ANK3: variants seen among roughly 807,000 people sequenced by gnomAD.
ANK3 encodes the protein ankyrin-3.
In ANK3, 57 loss-of-function variants were observed where a neutral mutation model predicts 370.9. That is an observed-to-expected ratio of 0.15 (90% CI 0.12 to 0.19). The LOEUF (loss-of-function observed/expected upper bound fraction) is 0.19, where lower values mean the gene tolerates loss of function less well. Ranked by LOEUF, ANK3 falls within the 10% of genes least tolerant of loss-of-function variation. ANK3 has a pLI of 1.00. For missense variants in ANK3, 4,439 were observed against 5,302.1 expected, an observed-to-expected ratio of 0.84 and a Z score of 5.06; for synonymous variants, 1,929 against 1,946.3, an observed-to-expected ratio of 0.99 and a Z score of 0.23.
At chr10:60,532,216 T>C (rs1463103499) in intron 2 of ANK3, among the ~76,000 whole-genome samples, 4 of 152,164 alleles carry the variant, frequency 2.6e-5, no homozygotes, top group Admixed American at 6.5e-5. Context: ...AGTTGCATAC[T>C]TACTTCTCAC....
At chr10:60,308,537 AAT>A (rs1566461546) in intron 1 of ANK3, among the ~76,000 whole-genome samples, 7 of 151,924 alleles carry the variant, frequency 4.6e-5, no homozygotes, top group African/African-American at 1.7e-4. Flanking sequence ...CGGCCTCCCA[AAT>A]TGCTGGGATT....
rs144159642 is a variant in ANK3 at position 60,439,416 on chromosome 10, G to A, written c.97-159777C>T. ...CTCATGCCCGTAATCCCAGTACTTT[G>A]GGAGGCCAACGTAGGAGGATCGCTT... On this transcript the variant is annotated intron_variant, in intron 2 of 43. Coordinates refer to the ANK3 transcript ENST00000373827. Among the ~76,000 whole-genome samples, 1,135 of 152,204 alleles carry A rather than the reference G, an allele frequency of 7.5e-3. 46 individuals are homozygous for A. The highest frequency in any genetic ancestry group is 0.065 in the Admixed American group (1,001 of 15,288).
intron 1 of ANK3, among the ~76,000 whole-genome samples, chr10:60,324,667 T>C (rs1416538414): frequency 6.6e-6 from 1 of 152,174 alleles, no homozygotes; most frequent in East Asian, 1.9e-4. Flanking sequence ...TAATTTTTTT[T>C]CTTTTTTTGG....
At chr10:60,087,358 C>A (rs2086983132) in intron 29 of ANK3, among the ~76,000 whole-genome samples, 1 of 152,204 alleles carries the variant, frequency 6.6e-6, no homozygotes. Flanking sequence ...AGCCTCTCTT[C>A]TACCACTTGG....
intron 23 of ANK3, among the ~76,000 whole-genome samples, chr10:60,159,092 T>C (rs1411403775): frequency 6.6e-6 from 1 of 152,182 alleles, no homozygotes; most frequent in Non-Finnish European, 1.5e-5. Flanking sequence ...TACCTAGCAA[T>C]GATAATGCTG....
At chr10:60,477,516 TACACACAC>T (rs761752696) in intron 2 of ANK3, among the ~76,000 whole-genome samples, 8,356 of 122,646 alleles carry the variant, frequency 0.068, 281 homozygotes, top group Non-Finnish European at 0.085. Context: ...CAGACAGACA[TACACACAC>T]ACACACACAC....
chr10:60,583,103 T>A (rs866215636), intron 2 of ANK3, among the ~76,000 whole-genome samples: 2 of 152,192 alleles, frequency 1.3e-5, no homozygotes, highest in African/African-American at 4.8e-5. Context: ...AGATATGGCA[T>A]CAGCCTAAGT....
chr10:60,060,809 CAG>C (rs1433986713), intron 40 of ANK3: 1 of 152,094 alleles, frequency 6.6e-6, no homozygotes, highest in Non-Finnish European at 1.5e-5. Flanking sequence ...TGATACACAA[CAG>C]AGATAGTAGG....
At chr10:60,111,654 G>A in intron 26 of ANK3, 1 of 435,572 alleles carries the variant, frequency 2.3e-6, no homozygotes, top group South Asian at 1.7e-5. Context: ...TACAGACATT[G>A]ACACGATCTA....
chr10:60,363,970 G>GT (rs113960102), intron 1 of ANK3, among the ~76,000 whole-genome samples: 3,230 of 137,766 alleles, frequency 0.023, 79 homozygotes, highest in African/African-American at 0.064. Flanking sequence ...AAGGAGAAGT[G>GT]TTTTTTTTTT....
At chr10:60,646,551 A>G (rs1405203064) in intron 1 of ANK3, among the ~76,000 whole-genome samples, 4 of 152,178 alleles carry the variant, frequency 2.6e-5, no homozygotes, top group Non-Finnish European at 4.4e-5. Context: ...TCTCTTCAAC[A>G]ACAAAAAGAC....
At chr10:60,238,982 A>T (rs1014459600) in intron 7 of ANK3, among the ~76,000 whole-genome samples, 3 of 152,232 alleles carry the variant, frequency 2.0e-5, no homozygotes, top group Non-Finnish European at 4.4e-5. Flanking sequence ...ACATTTGATA[A>T]GAAAAATTGC....
At chr10:60,687,535 A>ACACAC (rs1554809512) in intron 1 of ANK3, among the ~76,000 whole-genome samples, 25 of 150,698 alleles carry the variant, frequency 1.7e-4, no homozygotes, top group African/African-American at 5.1e-4. Flanking sequence ...TATAAAAAAA[A>ACACAC]ACACACACAC....
At chr10:60,618,961 T>G (rs1036165201) in intron 1 of ANK3, among the ~76,000 whole-genome samples, 1 of 151,970 alleles carries the variant, frequency 6.6e-6, no homozygotes, top group African/African-American at 2.4e-5. Context: ...AGAAAAAAAA[T>G]GTCCAGTATT....
At chr10:60,403,559 A>G (rs1306685311) in intron 2 of ANK3, among the ~76,000 whole-genome samples, 1 of 152,214 alleles carries the variant, frequency 6.6e-6, no homozygotes, top group Admixed American at 6.5e-5. Context: ...AAGACTGACA[A>G]AAGTATTGGC....
At chr10:60,192,898 C>T (rs534060865) in intron 16 of ANK3, among the ~76,000 whole-genome samples, 3 of 152,198 alleles carry the variant, frequency 2.0e-5, no homozygotes, top group South Asian at 2.1e-4. Flanking sequence ...CAACAACTGC[C>T]CTGTCTACCT....
In ANK3 at chr10:60,070,796, C is replaced by A; in HGVS notation, c.10085G>T (p.Ser3362Ile). 6.2e-7 allele frequency: 1 copy of A among 1,614,200 alleles called. No homozygotes were observed. Among genetic ancestry groups the A allele is most frequent in the Non-Finnish European group, 8.5e-7 (1 of 1,180,028 alleles). The change falls in exon 37 of 44, where the codon AGT becomes ATT. Residue 3362 changes from serine to isoleucine, a missense_variant. By Grantham distance (142) the Ser-to-Ile change is moderately radical (BLOSUM62 -2). Around this residue, in one of 13 missense-constraint regions of ANK3, gnomAD observed 1,601 missense variants for 1,731.7 expected, o/e 0.92. Transcript: ENST00000280772. This position sits in a 1 kb window ranked among gnomAD's most constrained non-coding sequence, Gnocchi z 5.7. ...TTCATTATCTTTTCCAGATCCATTA[C>A]TTTCCAGTTCTTTCTGGTTGGAAGC... is the stretch of plus-strand genomic sequence containing the variant. ...EKASNQKELE[S>I]NGSGKDNEFG...
chr10:60,342,166 T>C (rs2054428417), intron 1 of ANK3, among the ~76,000 whole-genome samples: 1 of 152,206 alleles, frequency 6.6e-6, no homozygotes, highest in Admixed American at 6.5e-5. Flanking sequence ...CAGGATGGTA[T>C]ATTTTATCTT....
intron 2 of ANK3, among the ~76,000 whole-genome samples, chr10:60,555,511 T>C (rs2077186570): frequency 6.6e-6 from 1 of 151,976 alleles, no homozygotes; most frequent in South Asian, 2.1e-4. Context: ...ATTACAAAAT[T>C]TTTTAGTTAT....
Sources: allele counts gnomAD v4.1 joint callset (sites outside exome capture counted in the v4.1 genomes callset), GRCh38; gene constraint gnomAD v4.1.1; regional missense constraint gnomAD v4.1.1; non-coding constraint Gnocchi (gnomAD v3.1); transcripts MANE v1.5; gene names NCBI Gene and HGNC (gene_info 2026-07-23, HGNC 2026-07-21).